HHAT: variants seen among roughly 807,000 people sequenced by gnomAD.
HHAT encodes the protein hedgehog acyltransferase, also known as protein-cysteine N-palmitoyltransferase HHAT.
In HHAT, 47 loss-of-function variants were observed where a neutral mutation model predicts 70.8. That is an observed-to-expected ratio of 0.66 (90% confidence interval 0.53 to 0.85). The LOEUF is 0.85. Ranked by LOEUF, HHAT falls within the 40% of genes least tolerant of loss-of-function variation. HHAT has a pLI of 0.00. For missense variants in HHAT, 609 were observed against 604.8 expected (o/e 1.01, Z -0.07); for synonymous variants, 228 against 247.6 (o/e 0.92, Z 0.74).
chr1:210,497,709 G>A (rs2094676039), intron 8 of HHAT, among the ~76,000 whole-genome samples: 1 of 151,926 alleles, frequency 6.6e-6, no homozygotes, highest in Admixed American at 6.6e-5. Flanking sequence ...TCGCAGGTCT[G>A]TAGAGGCCCA....
chr1:210,525,529 C>T (rs1329071114), intron 9 of HHAT, among the ~76,000 whole-genome samples: 5 of 152,178 alleles, frequency 3.3e-5, no homozygotes, highest in African/African-American at 1.2e-4. Flanking sequence ...ATTCACTCCT[C>T]ACCCTGATCT....
At chr1:210,508,704 C>A (rs1340181672) in intron 8 of HHAT, among the ~76,000 whole-genome samples, 1 of 152,076 alleles carries the variant, frequency 6.6e-6, no homozygotes, top group East Asian at 1.9e-4. Context: ...ATCATGTGGT[C>A]TTGATTTTCA....
intron 6 of HHAT, among the ~76,000 whole-genome samples, chr1:210,412,419 C>T (rs2092589751): frequency 6.6e-6 from 1 of 152,156 alleles, no homozygotes; most frequent in African/African-American, 2.4e-5. Flanking sequence ...GTGTGTGATA[C>T]TCAAGGTATG....
chr1:210,403,085 G>A (rs1238837405), intron 5 of HHAT, among the ~76,000 whole-genome samples: 4 of 152,160 alleles, frequency 2.6e-5, no homozygotes, highest in Admixed American at 1.3e-4. Flanking sequence ...GAAAATTGTA[G>A]CATTTTGAAA....
rs1040329158 is a variant in HHAT, at chr1:210,675,072, G to C, written c.*693G>C. The C allele has an allele frequency of 6.6e-6, 1 of 152,216 alleles. No homozygotes were observed. Among genetic ancestry groups the C allele is most frequent in the African/African-American group, 2.4e-5 (1 of 41,452 alleles). The allele number at this position is 152,216 out of a possible 1,614,324, so 9.4% of individuals were successfully genotyped here. On this transcript the variant is annotated 3_prime_UTR_variant, in exon 12 of 12. Transcript: ENST00000261458. ...ATTTGCAGAGAAGTATAACATGGTA[G>C]TTCCTCTACCTTACAGTTAATCGTT...
chr1:210,667,323 G>A (rs921797702), intron 11 of HHAT, among the ~76,000 whole-genome samples: 20 of 149,464 alleles, frequency 1.3e-4, no homozygotes, highest in South Asian at 2.1e-4. Context: ...CAGAGGTTGC[G>A]GTGAGCCAAG....
intron 1 of HHAT, among the ~76,000 whole-genome samples, chr1:210,337,939 T>C (rs552364361): frequency 3.9e-5 from 6 of 152,194 alleles, no homozygotes; most frequent in African/African-American, 7.2e-5. Context: ...TCTAAGATAT[T>C]ATTTGAGTGC....
At chr1:210,622,409 TG>T (rs1351824997) in intron 10 of HHAT, among the ~76,000 whole-genome samples, 5 of 152,218 alleles carry the variant, frequency 3.3e-5, no homozygotes, top group African/African-American at 1.2e-4. Flanking sequence ...CACGGTCCCT[TG>T]GGGTGGTCCC....
intron 2 of HHAT, among the ~76,000 whole-genome samples, chr1:210,356,136 A>G (rs1388470050): frequency 1.3e-5 from 2 of 149,496 alleles, no homozygotes; most frequent in African/African-American, 4.9e-5. Context: ...TATGTTGCCC[A>G]GGCTGGTCTT....
Position 210,328,984 on chromosome 1 carries a change from TC to T in HHAT, c.-161del. The T allele has an allele frequency of 1.1e-5, 15 of 1,343,566 alleles. No homozygotes were observed. The highest frequency in any genetic ancestry group is 1.4e-5 in the Non-Finnish European group (15 of 1,043,988). The allele number at this position is 1,343,566 out of a possible 1,614,324, so 83.2% of individuals were successfully genotyped here. A position where few individuals can be genotyped will look rare whatever the true frequency, so the allele number is the denominator to read the frequency against. On this transcript the variant is annotated 5_prime_UTR_variant, in exon 1 of 12. Coordinates refer to ENST00000261458, the MANE Select transcript of HHAT (RefSeq NM_018194.6). ...CAGCTCCGGGGGAAAGAGGGTGGCG[TC>T]CCGGGGAAGCCCGCAGCCGCCGCCG...
intron 2 of HHAT, among the ~76,000 whole-genome samples, chr1:210,359,237 T>C (rs1457161535): frequency 6.6e-6 from 1 of 152,142 alleles, no homozygotes; most frequent in Non-Finnish European, 1.5e-5. Context: ...GCTCAAAGAA[T>C]GAAGGTCTGA....
chr1:210,396,683 A>G (rs2091806458), intron 4 of HHAT, among the ~76,000 whole-genome samples: 3 of 152,230 alleles, frequency 2.0e-5, no homozygotes, highest in Admixed American at 2.0e-4. Flanking sequence ...CACATTGCAA[A>G]CAGCCTAGAT....
intron 10 of HHAT, among the ~76,000 whole-genome samples, chr1:210,620,254 T>C (rs1333904328): frequency 6.6e-6 from 1 of 152,236 alleles, no homozygotes; most frequent in Non-Finnish European, 1.5e-5. Context: ...TTTGTCCATA[T>C]GACCTGTTTC....
At chr1:210,365,491 T>A (rs923605544) in intron 3 of HHAT, among the ~76,000 whole-genome samples, 3 of 152,026 alleles carry the variant, frequency 2.0e-5, no homozygotes, top group Non-Finnish European at 2.9e-5. Context: ...TAATTTTTTT[T>A]ATTTTTAGTA....
chr1:210,434,764 C>T (rs926577), intron 7 of HHAT, among the ~76,000 whole-genome samples: 85,647 of 151,438 alleles, frequency 0.57, 24,970 homozygotes, highest in South Asian at 0.67. Context: ...AAGAGAAATA[C>T]TAGCTAAAAT....
intron 7 of HHAT, among the ~76,000 whole-genome samples, chr1:210,437,301 A>G (rs2093400688): frequency 6.6e-6 from 1 of 151,934 alleles, no homozygotes; most frequent in Non-Finnish European, 1.5e-5. Context: ...ATTAGACAAA[A>G]GTGATGTTAT....
At chr1:210,578,794 G>T (rs1658504135) in intron 9 of HHAT, among the ~76,000 whole-genome samples, 1 of 152,122 alleles carries the variant, frequency 6.6e-6, no homozygotes, top group African/African-American at 2.4e-5. Context: ...ATAACAGAAA[G>T]AGAAATACTG....
intron 7 of HHAT, among the ~76,000 whole-genome samples, chr1:210,444,835 G>T (rs371637071): frequency 6.6e-6 from 1 of 151,864 alleles, no homozygotes; most frequent in African/African-American, 2.4e-5. Context: ...CACAAATGAG[G>T]TTTTTTTGTT....
At chr1:210,458,841 C>A (rs986692749) in intron 7 of HHAT, among the ~76,000 whole-genome samples, 1 of 152,128 alleles carries the variant, frequency 6.6e-6, no homozygotes, top group Non-Finnish European at 1.5e-5. Flanking sequence ...CTAGCTTCTT[C>A]ATTTTTAGTT....
Sources: allele counts gnomAD v4.1 joint callset (sites outside exome capture counted in the v4.1 genomes callset), GRCh38; gene constraint gnomAD v4.1.1; transcripts MANE v1.5; gene names NCBI Gene and HGNC (gene_info 2026-07-23, HGNC 2026-07-21).